PYM1: variants seen among roughly 807,000 people sequenced by gnomAD.
PYM1 encodes partner of Y14 and mago.
PYM1 carries 7 observed loss-of-function variants against 20.7 expected under a neutral mutation model. The ratio of observed to expected loss-of-function variants is 0.34; its 90% confidence interval spans 0.19 to 0.64. PYM1 has a LOEUF of 0.64. PYM1 is among the 30% of genes least tolerant of loss of function. The pLI, the probability that PYM1 is intolerant of heterozygous loss-of-function variation, is 0.74. For missense variants in PYM1, 194 were observed against 250.0 expected, an observed-to-expected ratio of 0.78 and a Z score of 1.51; for synonymous variants, 100 against 99.2, an observed-to-expected ratio of 1.01 and a Z score of -0.05.
At chr12:55,907,040 A>C (rs1367080662) in intron 1 of PYM1, among the ~76,000 whole-genome samples, 1 of 152,018 alleles carries the variant, frequency 6.6e-6, no homozygotes. Context: ...AAGGACACAT[A>C]CCAAACTGTT....
chr12:55,911,303 G>A (rs947542517), intron 1 of PYM1, among the ~76,000 whole-genome samples: 3 of 151,466 alleles, frequency 2.0e-5, no homozygotes, highest in Admixed American at 6.6e-5. Context: ...GTAGAGATGG[G>A]GTTTTGCCAT....
chr12:55,912,591 G>T (rs978056646), intron 1 of PYM1, among the ~76,000 whole-genome samples: 2 of 134,022 alleles, frequency 1.5e-5, no homozygotes, highest in East Asian at 2.3e-4. Context: ...CAAGAGGGGG[G>T]AAAAAAAAAA....
chr12:55,905,749 T>A (rs1003947950), intron 1 of PYM1, among the ~76,000 whole-genome samples: 1 of 135,260 alleles, frequency 7.4e-6, no homozygotes, highest in Admixed American at 8.4e-5. Flanking sequence ...TTTTATAGAA[T>A]TTTGGAAAAT....
intron 1 of PYM1, among the ~76,000 whole-genome samples, chr12:55,909,687 C>T (rs1013163314): frequency 7.3e-5 from 11 of 151,102 alleles, no homozygotes; most frequent in Admixed American, 2.0e-4. Flanking sequence ...GGCACTGGAA[C>T]GTAAGAGACT....
rs540638216 is a variant in PYM1 at position 55,905,937 on chromosome 12, GAT to G, written c.38-2459_38-2458del. Among the ~76,000 whole-genome samples the G allele has an allele frequency of 2.1e-4, 23 of 109,154 alleles. 2 individuals are homozygous for G. Among genetic ancestry groups the G allele is most frequent in the East Asian group, 1.5e-3 (6 of 4,010 alleles). 71.6% of individuals were successfully genotyped at this position (109,154 alleles called of 152,430 possible). ...TATATATTATTATATATATCTAATA[GAT>G]ATATATATTATTATATATATCTAAT... On this transcript the variant is annotated intron_variant, in intron 1 of 2. Transcript: ENST00000408946.
At chr12:55,910,252 CATATATATATATATATATATAT>C (rs71074876) in intron 1 of PYM1, among the ~76,000 whole-genome samples, 1 of 142,742 alleles carries the variant, frequency 7.0e-6, no homozygotes, top group African/African-American at 2.5e-5. Flanking sequence ...TGGTTTTATA[CATATATATATATATATATATAT>C]ATATATATAT....
chr12:55,918,839 G>T (rs1011534603), intron 1 of PYM1, among the ~76,000 whole-genome samples: 4 of 152,192 alleles, frequency 2.6e-5, no homozygotes, highest in African/African-American at 9.6e-5. Context: ...CTGCACTCCA[G>T]CCTGGGCGAC....
intron 1 of PYM1, among the ~76,000 whole-genome samples, chr12:55,910,252 CATATATATATATATATATAT>C (rs71074876): frequency 4.9e-5 from 7 of 142,738 alleles, no homozygotes; most frequent in Non-Finnish European, 7.6e-5. Context: ...TGGTTTTATA[CATATATATATATATATATAT>C]ATATATATAT....
chr12:55,905,499 C>T (rs1347065329), intron 1 of PYM1, among the ~76,000 whole-genome samples: 1 of 150,018 alleles, frequency 6.7e-6, no homozygotes, highest in Admixed American at 6.7e-5. Flanking sequence ...GTCAGGAGTT[C>T]GAGAGCAGCC....
In PYM1 at chr12:55,915,540, C is replaced by A. The variant is rs534698575; in HGVS notation, c.38-12060G>T. Reference sequence around the variant, plus strand: ...TGCCATTGCACTCCAGCCTGGGCGACAGAGCAAGAGTTTATCTTTAAAAAA... The same window carrying A: ...TGCCATTGCACTCCAGCCTGGGCGAAAGAGCAAGAGTTTATCTTTAAAAAA... On this transcript the variant is annotated intron_variant, in intron 1 of 2. Coordinates refer to ENST00000408946, the MANE Select transcript of PYM1 (RefSeq NM_032345.3). 1.0e-3 allele frequency among the ~76,000 whole-genome samples: 136 copies of A among 134,854 alleles called. 2 individuals are homozygous for A. The highest frequency in any genetic ancestry group is 1.8e-3 in the Non-Finnish European group (113 of 64,310). 88.5% of individuals were successfully genotyped at this position (134,854 alleles called of 152,430 possible). A position where few individuals can be genotyped will look rare whatever the true frequency, so the allele number is the denominator to read the frequency against.
intron 1 of PYM1, among the ~76,000 whole-genome samples, chr12:55,920,792 C>T (rs1025112632): frequency 6.6e-6 from 1 of 152,120 alleles, no homozygotes; most frequent in Admixed American, 6.6e-5. Flanking sequence ...CATGCCCAAA[C>T]TATAAAACAC....
chr12:55,908,689 T>C (rs1882868960), intron 1 of PYM1, among the ~76,000 whole-genome samples: 1 of 151,086 alleles, frequency 6.6e-6, no homozygotes, highest in African/African-American at 2.4e-5. Flanking sequence ...CCATCTCTAC[T>C]AAAATACAAA....
At chr12:55,904,614 A>T (rs892766220) in intron 1 of PYM1, among the ~76,000 whole-genome samples, 3 of 150,470 alleles carry the variant, frequency 2.0e-5, no homozygotes, top group Non-Finnish European at 4.4e-5. Flanking sequence ...AAAAAAAAAA[A>T]AAAAAGAAAA....
At chr12:55,919,876 G>C (rs1247638521) in intron 1 of PYM1, among the ~76,000 whole-genome samples, 2 of 145,254 alleles carry the variant, frequency 1.4e-5, no homozygotes, top group Non-Finnish European at 3.0e-5. Context: ...ACTGGAGACA[G>C]AGCAAGACTC....
chr12:55,911,770 G>T (rs184502562), intron 1 of PYM1, among the ~76,000 whole-genome samples: 2 of 151,888 alleles, frequency 1.3e-5, no homozygotes, highest in Non-Finnish European at 2.9e-5. Context: ...GATCCCAGGA[G>T]GGGGAGGTTG....
chr12:55,910,344 G>A (rs559153033), intron 1 of PYM1, among the ~76,000 whole-genome samples: 5 of 151,554 alleles, frequency 3.3e-5, no homozygotes, highest in South Asian at 2.1e-4. Context: ...GCAGTAGCCC[G>A]ATCCCGGCTC....
intron 2 of PYM1, 107 bp from the exon 3 acceptor site, chr12:55,902,462 TTTG>T (rs1208745921): frequency 9.0e-6 from 13 of 1,445,566 alleles, no homozygotes; most frequent in East Asian, 6.9e-5. Context: ...GCTTCCTTTT[TTTG>T]TTGTTGTTTT....
intron 1 of PYM1, among the ~76,000 whole-genome samples, chr12:55,921,529 T>TA (rs1461982060): frequency 5.3e-5 from 8 of 150,672 alleles, no homozygotes; most frequent in East Asian, 3.9e-4. Flanking sequence ...CTCCCATAAA[T>TA]AAAAAAAAAT....
intron 1 of PYM1, among the ~76,000 whole-genome samples, chr12:55,911,691 AT>A (rs746455130): frequency 3.0e-4 from 45 of 151,500 alleles, no homozygotes; most frequent in Admixed American, 8.6e-4. Context: ...AAATACAAAA[AT>A]TAGCTGGGAG....
Sources: allele counts gnomAD v4.1 joint callset (sites outside exome capture counted in the v4.1 genomes callset), GRCh38; gene constraint gnomAD v4.1.1; transcripts MANE v1.5; gene names NCBI Gene and HGNC (gene_info 2026-07-23, HGNC 2026-07-21).